The following RAB5B variants were observed in gnomAD, a reference collection of about 807,000 sequenced individuals.
RAB5B encodes the protein ras-related protein Rab-5B.
In RAB5B, 11 loss-of-function variants were observed where a neutral mutation model predicts 28.6. The observed-to-expected ratio is 0.38, with a 90% CI of 0.24 to 0.64. The LOEUF (loss-of-function observed/expected upper bound fraction) is 0.64. Among genes scored for constraint, RAB5B ranks in the 30% least tolerant of loss-of-function variants. RAB5B has a pLI of 0.53. For synonymous variants in RAB5B, 93 were observed against 97.9 expected, an observed-to-expected ratio of 0.95 and a Z score of 0.29; for missense variants, 169 against 265.6, an observed-to-expected ratio of 0.64 and a Z score of 2.53.
chr12:55,973,975 A>G (rs1290539317), upstream of RAB5B: 1 of 152,294 alleles, frequency 6.6e-6, no homozygotes, highest in African/African-American at 2.4e-5. Flanking sequence ...TTGGTGGATG[A>G]GTGCACATAT....
rs1395114365 is a variant in RAB5B at position 55,991,343 on chromosome 12, C to T, written c.439-17C>T. On this transcript the variant is annotated splice_polypyrimidine_tract_variant and intron_variant, in intron 4 of 5. Coordinates refer to ENST00000360299, the MANE Select transcript of RAB5B (RefSeq NM_002868.4). ...CCACCCTACATTCTGAGCACTAATA[C>T]ATCCCACTCCTTGCAGGAGGCCCAG... 6.3e-7 allele frequency: 1 copy of T among 1,594,694 alleles called. No homozygotes were observed. Among genetic ancestry groups the T allele is most frequent in the African/African-American group, 1.3e-5 (1 of 74,464 alleles).
In RAB5B at chr12:55,984,845, A is replaced by G. The variant is rs142074774; in HGVS notation, c.-92-2024A>G. ...ATATATTTTAATAGCTATTAGCACT[A>G]TGCTAAACACATCTTTCACTTATTA... On this transcript the variant is annotated intron_variant, in intron 1 of 5. Transcript: ENST00000360299. Among the ~76,000 whole-genome samples, 310 of 152,354 alleles carry G rather than the reference A, an allele frequency of 2.0e-3. 1 individual carries two copies. Among genetic ancestry groups the G allele is most frequent in the African/African-American group, 7.2e-3 (299 of 41,582 alleles).
At chr12:55,981,103 G>T (rs1189283184) in intron 1 of RAB5B, 20 of 1,399,126 alleles carry the variant, frequency 1.4e-5, no homozygotes, top group Non-Finnish European at 1.9e-5. Context: ...TCGCTCTGTT[G>T]TCCAGGCTGG....
At chr12:55,990,305 G>C in intron 3 of RAB5B, 1 of 521,406 alleles carries the variant, frequency 1.9e-6, no homozygotes, top group Non-Finnish European at 3.3e-6. Context: ...CTACTCGGGA[G>C]GCTGAGGCAG....
In RAB5B at chr12:55,992,200, T is replaced by C. The variant is rs772028337; in HGVS notation, c.636T>C (p.Cys212=). 8.6e-5 allele frequency: 139 copies of C among 1,613,520 alleles called. No individual in the cohort carries two copies. Among genetic ancestry groups the C allele is most frequent in the Non-Finnish European group, 1.8e-5 (21 of 1,179,704 alleles). The change falls in exon 6 of 6, where the codon TGT becomes TGC. Residue 212 remains cysteine (C), a synonymous_variant. Transcript: ENST00000360299. ...AGTCCCAGCAGAACAAGAGCCAGTG[T>C]TGTAGCAACTGAGGGGGTGGCTAGC... ...HEQSQQNKSQ[C]CSN
intron 1 of RAB5B, among the ~76,000 whole-genome samples, chr12:55,986,661 A>G (rs894614727): frequency 1.3e-5 from 2 of 152,152 alleles, no homozygotes; most frequent in Admixed American, 6.5e-5. Context: ...CTCCCTTGGC[A>G]GTTAGAGATT....
chr12:55,984,223 C>T (rs1320872059), intron 1 of RAB5B, among the ~76,000 whole-genome samples: 2 of 149,450 alleles, frequency 1.3e-5, no homozygotes, highest in African/African-American at 2.5e-5. Context: ...CTCGCTGTTG[C>T]TCTGTCGCCA....
At chr12:55,986,659 G>A (rs1412910509) in intron 1 of RAB5B, among the ~76,000 whole-genome samples, 1 of 152,122 alleles carries the variant, frequency 6.6e-6, no homozygotes, top group Admixed American at 6.5e-5. Context: ...GGCTCCCTTG[G>A]CAGTTAGAGA....
chr12:55,990,958 T>A, intron 4 of RAB5B, 154 bp downstream of exon 4: 1 of 988,448 alleles, frequency 1.0e-6, no homozygotes, highest in Non-Finnish European at 1.5e-6. Context: ...ACTGTGACCC[T>A]AATGACAGCC....
At chr12:55,985,435 A>G (rs1363043327) in intron 1 of RAB5B, among the ~76,000 whole-genome samples, 1 of 152,226 alleles carries the variant, frequency 6.6e-6, no homozygotes, top group Non-Finnish European at 1.5e-5. Flanking sequence ...CTCTCAAGCA[A>G]TGCTTAGGTT....
intron 4 of RAB5B, 184 bp from the exon 5 acceptor site, chr12:55,991,176 G>A (rs978123123): frequency 1.7e-5 from 10 of 578,612 alleles, no homozygotes; most frequent in Non-Finnish European, 3.1e-5. Flanking sequence ...TGGACTGAGT[G>A]GACATGGGGT....
At chr12:55,980,747 A>G (rs1889781284) in intron 1 of RAB5B, 1 of 1,579,542 alleles carries the variant, frequency 6.3e-7, no homozygotes, top group Admixed American at 1.7e-5. Context: ...AATATTCTCG[A>G]AAGATTTCTC....
intron 1 of RAB5B, among the ~76,000 whole-genome samples, chr12:55,983,317 C>CAA (rs1889861151): frequency 1.3e-5 from 2 of 152,016 alleles, no homozygotes; most frequent in African/African-American, 4.8e-5. Context: ...CCTGACCTCT[C>CAA]AAACACCAGA....
chr12:55,977,663 A>C (rs546469961), intron 1 of RAB5B, among the ~76,000 whole-genome samples: 1 of 152,354 alleles, frequency 6.6e-6, no homozygotes, highest in Admixed American at 6.5e-5. Context: ...CAATGAACTT[A>C]TAATAAGGAA....
intron 1 of RAB5B, chr12:55,980,856 G>A (rs1889784979): frequency 3.1e-6 from 5 of 1,608,150 alleles, no homozygotes; most frequent in Non-Finnish European, 4.3e-6. Context: ...TCCCAGACTT[G>A]TAGTTTGATC....
intron 1 of RAB5B, among the ~76,000 whole-genome samples, chr12:55,986,583 A>T (rs1889957584): frequency 6.6e-6 from 1 of 152,176 alleles, no homozygotes; most frequent in Non-Finnish European, 1.5e-5. Context: ...CAAACAAAAA[A>T]CTTTGAAGAC....
At position 55,994,218 on chromosome 12, in the gene RAB5B, C is replaced by T. The variant is rs532738499; in HGVS notation, c.*2006C>T. On this transcript the variant is annotated 3_prime_UTR_variant, in exon 6 of 6. Transcript: ENST00000360299. ...CCCTTCCTTTCCCAGAAGCCACTGGCCCCCCATAGCACCCAGTGCATCCTT... is the reference window on the plus strand; with the variant it reads ...CCCTTCCTTTCCCAGAAGCCACTGGTCCCCCATAGCACCCAGTGCATCCTT... 2 of 152,780 alleles carry T rather than the reference C, an allele frequency of 1.3e-5. No individual in the cohort carries two copies. Among genetic ancestry groups the T allele is most frequent in the South Asian group, 4.1e-4 (2 of 4,830 alleles). The allele number at this position is 152,780 out of a possible 1,614,324, so 9.5% of individuals were successfully genotyped here. A position where few individuals can be genotyped will look rare whatever the true frequency, so the allele number is the denominator to read the frequency against.
chr12:55,983,002 A>G (rs1189498367), intron 1 of RAB5B, among the ~76,000 whole-genome samples: 2 of 152,074 alleles, frequency 1.3e-5, no homozygotes, highest in East Asian at 3.8e-4. Flanking sequence ...TAGCATATAT[A>G]TGTCACCTGA....
chr12:55,983,450 G>A (rs929872307), intron 1 of RAB5B, among the ~76,000 whole-genome samples: 3 of 151,890 alleles, frequency 2.0e-5, no homozygotes, highest in Non-Finnish European at 4.4e-5. Flanking sequence ...TGATCCTTTC[G>A]TCATAGGCCA....
Sources: gnomAD v4.1 joint callset for allele counts (sites outside exome capture counted in the v4.1 genomes callset) on GRCh38, gnomAD v4.1.1 for gene constraint, MANE v1.5 for transcripts, NCBI Gene and HGNC (gene_info 2026-07-23, HGNC 2026-07-21) for gene names.